Variants in STOX2 observed in about 807,000 individuals in gnomAD.
The protein encoded by STOX2 is storkhead-box protein 2.
In STOX2, 28 loss-of-function variants were observed where a neutral mutation model predicts 60.9. The ratio of observed to expected loss-of-function variants is 0.46; its 90% CI spans 0.34 to 0.63. The LOEUF (loss-of-function observed/expected upper bound fraction) is 0.63, where lower values mean the gene tolerates loss of function less well. STOX2 is among the 30% of genes least tolerant of loss of function. STOX2 has a pLI of 0.01. For synonymous variants in STOX2, 472 were observed against 463.9 expected (o/e 1.02, Z -0.22); for missense variants, 1,024 against 1,187.7 (o/e 0.86, Z 2.03).
Position 183,847,983 on chromosome 4 carries a change from G to C in STOX2, c.364+49928G>C, listed in dbSNP as rs146235734. Among the ~76,000 whole-genome samples, 168 of 152,264 alleles carry C rather than the reference G, an allele frequency of 1.1e-3. 3 individuals carry two copies. The South Asian group carries it at 0.022, about 20-fold the overall frequency. ...GAACTAGAGAGGAGAGAGGTTGAAGGAGAAGAAATGAGTAGGAAATGGAGG... is the reference window on the plus strand; with the variant it reads ...GAACTAGAGAGGAGAGAGGTTGAAGCAGAAGAAATGAGTAGGAAATGGAGG... On this transcript the variant is annotated intron_variant, in intron 1 of 2. Transcript: ENST00000513034.
intron 1 of STOX2, among the ~76,000 whole-genome samples, chr4:183,925,549 A>G (rs901235701): frequency 6.6e-6 from 1 of 152,296 alleles, no homozygotes; most frequent in South Asian, 2.1e-4. Flanking sequence ...ATCATGAAGA[A>G]TTATTTCTGA....
chr4:183,909,239 A>T (rs952578353), intron 1 of STOX2, among the ~76,000 whole-genome samples: 2 of 152,230 alleles, frequency 1.3e-5, no homozygotes, highest in African/African-American at 4.8e-5. Context: ...AATAGATGAT[A>T]TACTGAAACA....
intron 1 of STOX2, among the ~76,000 whole-genome samples, chr4:183,954,398 C>A (rs1408712485): frequency 6.6e-6 from 1 of 152,012 alleles, no homozygotes; most frequent in Non-Finnish European, 1.5e-5. Context: ...AAGCGATTCT[C>A]TTGCCTCGGA....
intron 1 of STOX2, among the ~76,000 whole-genome samples, chr4:183,864,648 C>T (rs1382692162): frequency 6.6e-6 from 1 of 152,162 alleles, no homozygotes; most frequent in Non-Finnish European, 1.5e-5. Flanking sequence ...TGCACCTCTG[C>T]CTCCCAACGT....
intron 1 of STOX2, among the ~76,000 whole-genome samples, chr4:183,950,840 A>G (rs975099223): frequency 2.6e-5 from 4 of 152,138 alleles, no homozygotes; most frequent in Non-Finnish European, 4.4e-5. Context: ...AGCTGCCAAG[A>G]GATGGAGTTA....
intron 1 of STOX2, among the ~76,000 whole-genome samples, chr4:183,934,039 C>G (rs1742514822): frequency 6.6e-6 from 1 of 152,154 alleles, no homozygotes; most frequent in African/African-American, 2.4e-5. Context: ...TGTGGTGGCT[C>G]ATGCCTGTGA....
intron 1 of STOX2, among the ~76,000 whole-genome samples, chr4:183,953,497 G>A (rs1743154589): frequency 1.3e-5 from 2 of 152,160 alleles, no homozygotes; most frequent in South Asian, 4.1e-4. Flanking sequence ...CCCATTCATA[G>A]TAGGTAGCAC....
intron 1 of STOX2, among the ~76,000 whole-genome samples, chr4:183,954,296 T>TTTG (rs1743181743): frequency 1.3e-5 from 2 of 151,948 alleles, no homozygotes; most frequent in South Asian, 4.2e-4. Context: ...TGTTTTTGTT[T>TTTG]TTGTTTTTTT....
chr4:183,939,322 C>G (rs1011565285), intron 1 of STOX2, among the ~76,000 whole-genome samples: 1 of 152,182 alleles, frequency 6.6e-6, no homozygotes, highest in African/African-American at 2.4e-5. Flanking sequence ...AGTCCTCCTT[C>G]GTCTGTGGCT....
intron 1 of STOX2, among the ~76,000 whole-genome samples, chr4:183,957,616 C>A (rs561023306): frequency 6.6e-6 from 1 of 152,188 alleles, no homozygotes; most frequent in Non-Finnish European, 1.5e-5. Flanking sequence ...CTATGCTGAA[C>A]TGGTTCCCGA....
chr4:183,913,791 C>T (rs1473316306), intron 1 of STOX2, among the ~76,000 whole-genome samples: 2 of 151,766 alleles, frequency 1.3e-5, no homozygotes, highest in South Asian at 4.2e-4. Flanking sequence ...GTGGAGGGGT[C>T]GAGAACAAAA....
chr4:183,931,818 C>T (rs1306039575), intron 1 of STOX2, among the ~76,000 whole-genome samples: 2 of 152,124 alleles, frequency 1.3e-5, no homozygotes, highest in African/African-American at 2.4e-5. Flanking sequence ...TATGGTTACC[C>T]TATGCATGAG....
intron 1 of STOX2, among the ~76,000 whole-genome samples, chr4:183,863,730 A>G (rs1740502451): frequency 6.6e-6 from 1 of 152,230 alleles, no homozygotes; most frequent in African/African-American, 2.4e-5. Context: ...ACAAGGCTAC[A>G]TATTTACATA....
intron 1 of STOX2, among the ~76,000 whole-genome samples, chr4:183,890,097 T>C (rs1741170794): frequency 6.6e-6 from 1 of 152,210 alleles, no homozygotes; most frequent in African/African-American, 2.4e-5. Flanking sequence ...TCCATACACC[T>C]GCGCATACCA....
rs1393806994 is a variant in STOX2 at position 184,023,431 on chromosome 4, T to C, written c.*6147T>C. ...GTCTATATTTGAAAGTCCCTCCCTATGGTGATACTGTGTTCATGTTGTTTA... is the reference window on the plus strand; with the variant it reads ...GTCTATATTTGAAAGTCCCTCCCTACGGTGATACTGTGTTCATGTTGTTTA... On this transcript the variant is annotated 3_prime_UTR_variant, in exon 4 of 4. Coordinates refer to ENST00000308497, the MANE Select transcript of STOX2 (RefSeq NM_020225.3). 1 of 152,206 alleles carries C rather than the reference T, an allele frequency of 6.6e-6. No individual in the cohort carries two copies. The highest frequency in any genetic ancestry group is 2.1e-4 in the South Asian group (1 of 4,830). The allele number at this position is 152,206 out of a possible 1,614,324, so 9.4% of individuals were successfully genotyped here. A position where few individuals can be genotyped will look rare whatever the true frequency, so the allele number is the denominator to read the frequency against.
chr4:183,824,475 A>G (rs375947463), intron 1 of STOX2, among the ~76,000 whole-genome samples: 8 of 152,248 alleles, frequency 5.3e-5, no homozygotes, highest in Middle Eastern at 3.4e-3. Flanking sequence ...ATCTGGATGA[A>G]CTCTGAGAGC....
intron 2 of STOX2, among the ~76,000 whole-genome samples, chr4:184,004,396 G>A (rs905670780): frequency 1.3e-4 from 20 of 152,134 alleles, no homozygotes; most frequent in African/African-American, 4.1e-4. Context: ...TCAAGAGATC[G>A]AGACCATCCT....
rs1231477362 is a variant in STOX2 at position 183,981,797 on chromosome 4, G to A, written c.167-19528G>A. The stretch of plus-strand genomic sequence containing the variant: ...ATCCAAAGTGCACCTGCGGCTGGGC[G>A]CAGTGGCTGACGTCTGTAATCGCAG... On this transcript the variant is annotated intron_variant, in intron 1 of 3. Transcript: ENST00000308497. Among the ~76,000 whole-genome samples, 6 of 152,176 alleles carry A rather than the reference G, an allele frequency of 3.9e-5. No homozygotes were observed. The South Asian group carries it at 1.2e-3, about 32-fold the overall frequency.
intron 1 of STOX2, among the ~76,000 whole-genome samples, chr4:183,907,215 A>G (rs757156244): frequency 6.6e-6 from 1 of 152,128 alleles, no homozygotes. Context: ...CTGCAGGGAG[A>G]TAAATGACTG....
Sources: gnomAD v4.1 joint callset for allele counts (sites outside exome capture counted in the v4.1 genomes callset) on GRCh38, gnomAD v4.1.1 for gene constraint, MANE v1.5 for transcripts, NCBI Gene and HGNC (gene_info 2026-07-23, HGNC 2026-07-21) for gene names.